Variants in RAB11FIP3 observed in about 807,000 individuals in gnomAD.
The protein encoded by RAB11FIP3 is RAB11 family interacting protein 3.
RAB11FIP3 carries 17 observed loss-of-function variants against 77.8 expected under a neutral mutation model. The observed-to-expected ratio is 0.22, with a 90% CI of 0.15 to 0.33. The LOEUF (loss-of-function observed/expected upper bound fraction) is 0.33. RAB11FIP3 is among the 10% of genes least tolerant of loss of function. The pLI is 1.00. For missense variants in RAB11FIP3, 1,005 were observed against 1,011.2 expected (o/e 0.99, Z 0.08); for synonymous variants, 437 against 448.2 (o/e 0.98, Z 0.31).
intron 1 of RAB11FIP3, among the ~76,000 whole-genome samples, chr16:430,330 T>C (rs1234570525): frequency 6.6e-6 from 1 of 152,152 alleles, no homozygotes; most frequent in Non-Finnish European, 1.5e-5. Context: ...ATTATAACTG[T>C]AATTTACATG....
chr16:454,655 A>G (rs1412522292), intron 1 of RAB11FIP3, among the ~76,000 whole-genome samples: 1 of 152,216 alleles, frequency 6.6e-6, no homozygotes, highest in African/African-American at 2.4e-5. Flanking sequence ...CTCCTTGTCC[A>G]AGGTCCCTGA....
At chr16:482,358 A>C (rs1156637790) in intron 3 of RAB11FIP3, 167 bp from the exon 4 acceptor site, 4 of 741,104 alleles carry the variant, frequency 5.4e-6, no homozygotes, top group Admixed American at 2.0e-5. Context: ...GCCCAGCCTG[A>C]ATTGTGTTTT....
rs530096116 is a variant in RAB11FIP3, at chr16:435,882, A to C, written c.714+9162A>C. Among the ~76,000 whole-genome samples, 470 of 152,338 alleles carry C rather than the reference A, an allele frequency of 3.1e-3. 3 individuals carry two copies. The highest frequency in any genetic ancestry group is 4.7e-3 in the Non-Finnish European group (320 of 68,044). On this transcript the variant is annotated intron_variant, in intron 1 of 13. Coordinates refer to ENST00000262305, the MANE Select transcript of RAB11FIP3 (RefSeq NM_014700.4). ...CTAAAGAAACTTGGATTTTCTAGTA[A>C]ATTAAAGAACTAGATAGAACATTGA...
chr16:477,334 C>A lies in RAB11FIP3; in HGVS notation c.904-5191C>A, dbSNP rs373748652. ...TAATAACCACACTTTTTAGAGTCAGCAGCGGGTCTTCCTGGTGCCCCTGGG... is the reference window on the plus strand; with the variant it reads ...TAATAACCACACTTTTTAGAGTCAGAAGCGGGTCTTCCTGGTGCCCCTGGG... On this transcript the variant is annotated intron_variant, in intron 3 of 13. Coordinates refer to ENST00000262305, the MANE Select transcript of RAB11FIP3 (RefSeq NM_014700.4). Among the ~76,000 whole-genome samples, 87 of 152,330 alleles carry A rather than the reference C, an allele frequency of 5.7e-4. 1 individual carries two copies. In the South Asian group the frequency reaches 6.4e-3, roughly 11 times the overall value.
At position 481,018 on chromosome 16, in the gene RAB11FIP3, A is replaced by G. The variant is rs1156812826; in HGVS notation, c.904-1507A>G. On this transcript the variant is annotated intron_variant, in intron 3 of 13. Coordinates refer to ENST00000262305, the MANE Select transcript of RAB11FIP3 (RefSeq NM_014700.4). ...GAGACGGGGTTTTTCCATATTGGTC[A>G]GGCTGGTCTCGAACTCCCAACCTCA... Among the ~76,000 whole-genome samples, 3 of 57,186 alleles carry G rather than the reference A, an allele frequency of 5.2e-5. 1 individual carries two copies. The highest frequency in any genetic ancestry group is 1.9e-4 in the Non-Finnish European group (3 of 16,178). 37.5% of individuals were successfully genotyped at this position (57,186 alleles called of 152,430 possible).
At chr16:459,431 CTTTTTT>C (rs56705738) in intron 1 of RAB11FIP3, among the ~76,000 whole-genome samples, 1 of 117,452 alleles carries the variant, frequency 8.5e-6, no homozygotes, top group Non-Finnish European at 1.8e-5. Context: ...CAGCTTCAAA[CTTTTTT>C]TTTTTTTTTT....
intron 1 of RAB11FIP3, among the ~76,000 whole-genome samples, chr16:443,945 C>T (rs2055269632): frequency 1.3e-5 from 2 of 152,304 alleles, no homozygotes; most frequent in African/African-American, 4.8e-5. Context: ...CAATCTGATA[C>T]AGGAAGAATG....
At chr16:518,916 A>C in intron 9 of RAB11FIP3, 27 bp from the exon 10 acceptor site, 1 of 1,612,046 alleles carries the variant, frequency 6.2e-7, no homozygotes, top group Non-Finnish European at 8.5e-7. Flanking sequence ...TCCTGGAGTG[A>C]GTTTCAGCTT....
rs778579241 is a variant in RAB11FIP3, at chr16:503,045, A to G, written c.1343A>G (p.Glu448Gly). The G allele has an allele frequency of 6.2e-7, 1 of 1,613,286 alleles. No homozygotes were observed. ...GGGGCCCTGACCATGGAGGCCCTGG[A>G]GGACCCTTCCCCCGAGCTCATGGAG... ...QSGALTMEAL[E>G]DPSPELMEGP... is the part of the protein sequence containing the mutation. Residue 448 changes from glutamate (E) to glycine (G), a missense_variant, in exon 7 of 14, where the codon GAG (glutamate) becomes GGG (glycine). By Grantham distance (98) the Glu-to-Gly change is moderately conservative. Transcript: ENST00000262305.
Position 461,643 on chromosome 16 carries a change from G to A in RAB11FIP3, c.808+146G>A. On this transcript the variant is annotated intron_variant, in intron 2 of 13. Coordinates refer to ENST00000262305, the MANE Select transcript of RAB11FIP3 (RefSeq NM_014700.4). The surrounding 1 kb of genome is among the most constrained non-coding windows in gnomAD (Gnocchi z 4.5). ...CCCAACATACCCCAGGTTTCCAGGTGGTCTCTTTCCTTTCTTGTTACCTTC... is the reference window on the plus strand; with the variant it reads ...CCCAACATACCCCAGGTTTCCAGGTAGTCTCTTTCCTTTCTTGTTACCTTC... The A allele has an allele frequency of 1.6e-6, 1 of 616,162 alleles. No homozygotes were observed. The highest frequency in any genetic ancestry group is 2.1e-5 in the South Asian group (1 of 46,582). 38.2% of individuals were successfully genotyped at this position (616,162 alleles called of 1,614,324 possible). A position where few individuals can be genotyped will look rare whatever the true frequency, so the allele number is the denominator to read the frequency against.
chr16:503,055 C>T lies in RAB11FIP3; in HGVS notation c.1353C>T (p.Ser451=), dbSNP rs1433719560. Residue 451 remains serine, a synonymous_variant, in exon 7 of 14, where the codon TCC becomes TCT. Transcript: ENST00000262305. The part of the protein sequence containing the change: ...ALTMEALEDP[S]PELMEGPEED... ...CCATGGAGGCCCTGGAGGACCCTTC[C>T]CCCGAGCTCATGGAGGGCCCAGAGG... 6.2e-7 allele frequency: 1 copy of T among 1,613,256 alleles called. No individual in the cohort carries two copies. The highest frequency in any genetic ancestry group is 1.7e-5 in the Admixed American group (1 of 59,986).
At chr16:518,094 A>G (rs1231003443) in intron 9 of RAB11FIP3, among the ~76,000 whole-genome samples, 1 of 152,170 alleles carries the variant, frequency 6.6e-6, no homozygotes, top group African/African-American at 2.4e-5. Context: ...TAAGTAAATA[A>G]ATAGATACAG....
At chr16:491,386 T>A in intron 5 of RAB11FIP3, 1 of 1,131,098 alleles carries the variant, frequency 8.8e-7, no homozygotes, top group Non-Finnish European at 1.1e-6. Context: ...GCAGCGGGAC[T>A]CTCCCTGGGG....
chr16:458,306 G>A (rs913838938), intron 1 of RAB11FIP3, among the ~76,000 whole-genome samples: 2 of 152,166 alleles, frequency 1.3e-5, no homozygotes, highest in African/African-American at 2.4e-5. Flanking sequence ...GAGCAGCTGT[G>A]TCCTGGCATC....
intron 1 of RAB11FIP3, among the ~76,000 whole-genome samples, chr16:446,076 T>C (rs929095723): frequency 6.6e-6 from 1 of 152,024 alleles, no homozygotes; most frequent in African/African-American, 2.4e-5. Context: ...CATCCTGTCA[T>C]CTTTGTTTCC....
chr16:493,082 C>G (rs1314629557), intron 5 of RAB11FIP3, among the ~76,000 whole-genome samples: 1 of 151,988 alleles, frequency 6.6e-6, no homozygotes, highest in Non-Finnish European at 1.5e-5. Flanking sequence ...GAAACCCTGT[C>G]TCTACTAAAA....
At chr16:498,998 G>A (rs948038581) in intron 6 of RAB11FIP3, among the ~76,000 whole-genome samples, 3 of 151,910 alleles carry the variant, frequency 2.0e-5, no homozygotes, top group African/African-American at 4.8e-5. Flanking sequence ...ATCACCTGAG[G>A]TTGGGAGTTC....
At chr16:464,558 C>G (rs1394773658) in intron 2 of RAB11FIP3, among the ~76,000 whole-genome samples, 1 of 152,164 alleles carries the variant, frequency 6.6e-6, no homozygotes, top group East Asian at 1.9e-4. Context: ...CACCGGTTAG[C>G]TCTGGGGAGA....
chr16:431,981 T>G (rs1455431746), intron 1 of RAB11FIP3, among the ~76,000 whole-genome samples: 1 of 151,976 alleles, frequency 6.6e-6, no homozygotes, highest in Non-Finnish European at 1.5e-5. Flanking sequence ...ATGGTCTTGA[T>G]CTCCTGACCG....
Sources: allele counts gnomAD v4.1 joint callset (sites outside exome capture counted in the v4.1 genomes callset), GRCh38; gene constraint gnomAD v4.1.1; non-coding constraint Gnocchi (gnomAD v3.1); transcripts MANE v1.5; gene names NCBI Gene and HGNC (gene_info 2026-07-23, HGNC 2026-07-21).